CALU: variants seen among roughly 807,000 people sequenced by gnomAD.
CALU encodes IEF SSP 9302.
CALU carries 13 observed loss-of-function variants against 37.5 expected under a neutral mutation model. That is an observed-to-expected ratio of 0.35 (90% CI 0.23 to 0.55). The LOEUF (loss-of-function observed/expected upper bound fraction) is 0.55. Among genes scored for constraint, CALU ranks in the 20% least tolerant of loss-of-function variants. CALU has a pLI of 0.89. For missense variants in CALU, 282 were observed against 391.7 expected, an observed-to-expected ratio of 0.72 and a Z score of 2.36; for synonymous variants, 114 against 133.8, an observed-to-expected ratio of 0.85 and a Z score of 1.02.
At chr7:128,745,344 G>A (rs370663730) in intron 1 of CALU, among the ~76,000 whole-genome samples, 1 of 152,156 alleles carries the variant, frequency 6.6e-6, no homozygotes, top group African/African-American at 2.4e-5. Flanking sequence ...TATAGGCTGG[G>A]TATGGTGGCT....
chr7:128,772,720 C>T lies in CALU; in HGVS notation c.*3553C>T. The stretch of plus-strand genomic sequence containing the variant: ...AGATGAGGAAGTATGGGAAAAAAGA[C>T]CTTATTCTCTGTATCACCAAAGCCT... On this transcript the variant is annotated 3_prime_UTR_variant, in exon 7 of 7. Transcript: ENST00000249364. The T allele has an allele frequency of 1.9e-6, 3 of 1,608,642 alleles. No individual in the cohort carries two copies. Among genetic ancestry groups the T allele is most frequent in the South Asian group, 2.2e-5 (2 of 90,886 alleles).
At chr7:128,755,142 CA>C (rs35269374) in intron 3 of CALU, among the ~76,000 whole-genome samples, 38,026 of 124,798 alleles carry the variant, frequency 0.3, 5,877 homozygotes, top group Middle Eastern at 0.4. Flanking sequence ...CTGTCTCTAC[CA>C]AAAAAAAAAA....
At chr7:128,752,685 A>C (rs757894044) in intron 2 of CALU, among the ~76,000 whole-genome samples, 7 of 152,152 alleles carry the variant, frequency 4.6e-5, no homozygotes, top group Admixed American at 4.6e-4. Context: ...TATTTAAGAG[A>C]TAACTACTTT....
In CALU at chr7:128,772,455, AGTT is replaced by A; in HGVS notation, c.*3289_*3291del. ...TTACCATCTTTTTTGTGTTTTTAGT[AGTT>A]TGGTTTCTGACGGAGACAATAGAAA... On this transcript the variant is annotated 3_prime_UTR_variant, in exon 7 of 7. Coordinates refer to ENST00000249364, the MANE Select transcript of CALU (RefSeq NM_001219.5). 1.3e-6 allele frequency: 2 copies of A among 1,522,772 alleles called. No individual in the cohort carries two copies. Among genetic ancestry groups the A allele is most frequent in the Non-Finnish European group, 1.8e-6 (2 of 1,102,134 alleles). The allele number at this position is 1,522,772 out of a possible 1,614,324, so 94.3% of individuals were successfully genotyped here.
At chr7:128,745,929 A>G (rs1184575652) in intron 1 of CALU, among the ~76,000 whole-genome samples, 1 of 152,176 alleles carries the variant, frequency 6.6e-6, no homozygotes, top group African/African-American at 2.4e-5. Context: ...CTCTTCTCCC[A>G]TGAACCTTGA....
At chr7:128,740,110 C>T (rs570985257) in intron 1 of CALU, among the ~76,000 whole-genome samples, 1 of 152,242 alleles carries the variant, frequency 6.6e-6, no homozygotes, top group African/African-American at 2.4e-5. Flanking sequence ...GCTTCTAGCC[C>T]CATATCCTAC....
Position 128,767,453 on chromosome 7 carries a change from C to T in CALU, c.644-3C>T, listed in dbSNP as rs781018890. 3 of 1,606,874 alleles carry T rather than the reference C, an allele frequency of 1.9e-6. No individual in the cohort carries two copies. The highest frequency in any genetic ancestry group is 2.6e-6 in the Non-Finnish European group (3 of 1,173,380). On this transcript the variant is annotated splice_polypyrimidine_tract_variant and splice_region_variant and intron_variant, in intron 5 of 6. Coordinates refer to ENST00000249364, the MANE Select transcript of CALU (RefSeq NM_001219.5). ...TCTTTTGTATGTATGTCTGTGTACC[C>T]AGGTGACATGTACAGCCATGATGGG...
chr7:128,742,107 G>T (rs1436570556), intron 1 of CALU, among the ~76,000 whole-genome samples: 1 of 152,162 alleles, frequency 6.6e-6, no homozygotes, highest in East Asian at 1.9e-4. Context: ...TAAATTATGT[G>T]TTGGTATCAT....
At chr7:128,752,285 A>G (rs1330251270) in intron 2 of CALU, among the ~76,000 whole-genome samples, 1 of 152,184 alleles carries the variant, frequency 6.6e-6, no homozygotes, top group Non-Finnish European at 1.5e-5. Context: ...TTTTTTCTTA[A>G]GTTTGCCAAC....
intron 6 of CALU, among the ~76,000 whole-genome samples, 185 bp from the exon 7 acceptor site, chr7:128,768,850 AAAAAAAAAAAAAAAAAAACAAGGAATGT>A (rs1801437148): frequency 6.8e-6 from 1 of 147,148 alleles, no homozygotes; most frequent in South Asian, 2.1e-4. Context: ...TCCGTCTCAA[AAAAAAAAAAAAAAAAAAACAAGGAATGT>A]GTAATTGCTG....
chr7:128,769,269 T>A lies in CALU; in HGVS notation c.*102T>A. The A allele has an allele frequency of 1.6e-6, 1 of 636,968 alleles. No homozygotes were observed. 39.5% of individuals were successfully genotyped at this position (636,968 alleles called of 1,614,324 possible). A position where few individuals can be genotyped will look rare whatever the true frequency, so the allele number is the denominator to read the frequency against. On this transcript the variant is annotated 3_prime_UTR_variant, in exon 7 of 7. Coordinates refer to ENST00000249364, the MANE Select transcript of CALU (RefSeq NM_001219.5). ...ACTGAGACTGTTACTACAAACTTTT[T>A]AAGACATGAAAAGGCGTAATGAAAA... is the stretch of plus-strand genomic sequence containing the variant.
chr7:128,739,522 GACTGCCTC>G (rs988451283), intron 1 of CALU, 90 bp downstream of exon 1: 3 of 152,832 alleles, frequency 2.0e-5, no homozygotes, highest in African/African-American at 7.2e-5. Flanking sequence ...CGCGGCAGGG[GACTGCCTC>G]ACTCGGTGCC....
chr7:128,768,790 T>C (rs972372301), intron 6 of CALU, among the ~76,000 whole-genome samples: 23 of 135,266 alleles, frequency 1.7e-4, no homozygotes, highest in Non-Finnish European at 3.0e-4. Flanking sequence ...GAGGTTGCGG[T>C]GAGCTGAGAT....
chr7:128,764,332 A>G (rs562469084), intron 5 of CALU, among the ~76,000 whole-genome samples: 18 of 152,168 alleles, frequency 1.2e-4, no homozygotes, highest in African/African-American at 4.1e-4. Context: ...CCAGCAACTC[A>G]GGAGGATCAC....
intron 2 of CALU, among the ~76,000 whole-genome samples, chr7:128,750,849 T>A (rs73236098): frequency 0.046 from 7,024 of 152,282 alleles, 224 homozygotes; most frequent in East Asian, 0.13. Context: ...TCTTTAATAA[T>A]AATAGCTAAA....
At chr7:128,761,779 C>T (rs1801127719) in intron 5 of CALU, among the ~76,000 whole-genome samples, 1 of 152,120 alleles carries the variant, frequency 6.6e-6, no homozygotes, top group Admixed American at 6.5e-5. Context: ...GTTTTTAGAC[C>T]TCTGATAGTT....
Position 128,771,766 on chromosome 7 carries a change from C to CAA in CALU, c.*2600_*2601insAA. On this transcript the variant is annotated 3_prime_UTR_variant, in exon 7 of 7. Transcript: ENST00000249364. ...ACACAAGCGATTCTGAATGTACACA[C>CAA]ACGTTTATCTATAGAGCATAAGGTA... The CAA allele has an allele frequency of 6.6e-6, 1 of 152,344 alleles. No homozygotes were observed. Among genetic ancestry groups the CAA allele is most frequent in the East Asian group, 1.9e-4 (1 of 5,192 alleles). The allele number at this position is 152,344 out of a possible 1,614,324, so 9.4% of individuals were successfully genotyped here.
intron 5 of CALU, among the ~76,000 whole-genome samples, chr7:128,764,725 G>A (rs1801259661): frequency 6.6e-6 from 1 of 151,250 alleles, no homozygotes; most frequent in Admixed American, 6.6e-5. Context: ...TGTTTCTTTG[G>A]TACTTTTTTT....
chr7:128,766,933 T>G (rs1484597440), intron 5 of CALU, among the ~76,000 whole-genome samples: 2 of 152,094 alleles, frequency 1.3e-5, no homozygotes, highest in Non-Finnish European at 2.9e-5. Flanking sequence ...AAGATCAATT[T>G]TTGGAAAAAT....
Sources: gnomAD v4.1 joint callset for allele counts (sites outside exome capture counted in the v4.1 genomes callset) on GRCh38, gnomAD v4.1.1 for gene constraint, MANE v1.5 for transcripts, NCBI Gene and HGNC (gene_info 2026-07-23, HGNC 2026-07-21) for gene names.